The following PDE10A variants were observed in gnomAD, a reference collection of about 807,000 sequenced individuals.
PDE10A encodes the protein phosphodiesterase 10A, also known as cAMP and cAMP-inhibited cGMP 3',5'-cyclic phosphodiesterase 10A.
In PDE10A, 39 loss-of-function variants were observed where a neutral mutation model predicts 97.7. The ratio of observed to expected loss-of-function variants is 0.40; its 90% CI spans 0.31 to 0.52. The LOEUF is 0.52. Among genes scored for constraint, PDE10A ranks in the 20% least tolerant of loss-of-function variants. The probability of loss-of-function intolerance (pLI) is 0.56; values close to 1 mark genes in which losing one functional copy is unlikely to be tolerated. For synonymous variants in PDE10A, 371 were observed against 376.8 expected, an observed-to-expected ratio of 0.98 and a Z score of 0.18; for missense variants, 731 against 1,047.8, an observed-to-expected ratio of 0.70 and a Z score of 4.17.
chr6:165,872,446 C>A (rs1352619748), intron 1 of PDE10A, among the ~76,000 whole-genome samples: 1 of 152,142 alleles, frequency 6.6e-6, no homozygotes, highest in African/African-American at 2.4e-5. Flanking sequence ...TTGGCTGCCC[C>A]TTCAGCAGTA....
intron 5 of PDE10A, among the ~76,000 whole-genome samples, chr6:165,435,699 T>G (rs988672465): frequency 6.6e-6 from 1 of 152,152 alleles, no homozygotes; most frequent in African/African-American, 2.4e-5. Flanking sequence ...GGGATCAAGA[T>G]TCTATCAGAC....
chr6:165,431,469 C>A lies in PDE10A; in HGVS notation c.1495G>T (p.Ala499Ser). ...GAAGCCCAGGCAAGATTTGCTGTTG[C>A]AACCTAAAAAAAACAAGAAATACAT... ...EAFCLSHQEVATANLAWASVA... is the reference protein window; with the variant it reads ...EAFCLSHQEVSTANLAWASVA... The change falls in exon 8 of 22, where the codon GCA (alanine) becomes TCA (serine). Residue 499 changes from alanine to serine, a missense_variant. This residue lies in a region of PDE10A where 152 missense variants were observed against 199.3 expected (regional missense o/e 0.76). Coordinates refer to ENST00000539869, the MANE Select transcript of PDE10A (RefSeq NM_001385079.1). 2 of 1,588,364 alleles carry A rather than the reference C, an allele frequency of 1.3e-6. No individual in the cohort carries two copies. The highest frequency in any genetic ancestry group is 2.2e-5 in the South Asian group (2 of 89,388).
chr6:165,897,053 G>T (rs1175374509), intron 1 of PDE10A, among the ~76,000 whole-genome samples: 20 of 152,286 alleles, frequency 1.3e-4, no homozygotes, highest in Non-Finnish European at 2.6e-4. Context: ...GCCATCTTGA[G>T]GCACTCAACA....
chr6:165,811,223 A>G (rs1779274506), intron 1 of PDE10A, among the ~76,000 whole-genome samples: 1 of 152,082 alleles, frequency 6.6e-6, no homozygotes, highest in Admixed American at 6.5e-5. Context: ...ACTCCGTCTC[A>G]AAAAAAACAA....
intron 1 of PDE10A, among the ~76,000 whole-genome samples, chr6:165,761,124 G>A (rs575275716): frequency 1.3e-5 from 2 of 152,268 alleles, no homozygotes; most frequent in Non-Finnish European, 2.9e-5. Flanking sequence ...CCCGCTAGCA[G>A]GACTCTCAAC....
intron 1 of PDE10A, among the ~76,000 whole-genome samples, chr6:165,821,366 AGAGT>A (rs1342359053): frequency 2.0e-5 from 3 of 152,360 alleles, no homozygotes; most frequent in African/African-American, 4.8e-5. Flanking sequence ...TCGTGACAAC[AGAGT>A]GAGACAGTGA....
intron 1 of PDE10A, among the ~76,000 whole-genome samples, chr6:165,954,639 T>TC (rs1433467770): frequency 2.0e-5 from 3 of 152,118 alleles, no homozygotes; most frequent in Non-Finnish European, 2.9e-5. Flanking sequence ...CTGTGCCGAC[T>TC]CCAGCTTCAT....
chr6:165,337,355 C>T (rs981874928), intron 20 of PDE10A, among the ~76,000 whole-genome samples: 2 of 152,134 alleles, frequency 1.3e-5, no homozygotes, highest in African/African-American at 2.4e-5. Context: ...ACCAATTTCT[C>T]GAAAGTACTG....
chr6:165,456,634 G>C (rs946932345), intron 3 of PDE10A, among the ~76,000 whole-genome samples: 3 of 152,134 alleles, frequency 2.0e-5, no homozygotes, highest in African/African-American at 7.2e-5. Flanking sequence ...CTGGGCTTTA[G>C]TTTTCTCATT....
At chr6:165,927,381 G>A (rs943970420) in intron 1 of PDE10A, among the ~76,000 whole-genome samples, 6 of 151,748 alleles carry the variant, frequency 4.0e-5, no homozygotes, top group Non-Finnish European at 7.4e-5. Flanking sequence ...TTATATATCA[G>A]AATGATCATA....
intron 2 of PDE10A, among the ~76,000 whole-genome samples, chr6:165,486,473 C>T (rs549179747): frequency 6.6e-6 from 1 of 152,300 alleles, no homozygotes; most frequent in African/African-American, 2.4e-5. Context: ...GAATGTGAGT[C>T]TGTGCACTGT....
Position 165,688,675 on chromosome 6 carries a change from G to A in PDE10A, c.-614-145107C>T, listed in dbSNP as rs563892076. ...CACATCATCAGTGGAAGAAAGCAAGGGGAAGAACAGTGACTATGTTATGCT... is the reference window on the plus strand; with the variant it reads ...CACATCATCAGTGGAAGAAAGCAAGAGGAAGAACAGTGACTATGTTATGCT... On this transcript the variant is annotated intron_variant, in intron 1 of 19. Coordinates refer to the PDE10A transcript ENST00000366882. Among the ~76,000 whole-genome samples, 3 of 152,286 alleles carry A rather than the reference G, an allele frequency of 2.0e-5. No homozygotes were observed. The South Asian group carries it at 6.2e-4, about 32-fold the overall frequency.
chr6:165,796,671 C>G (rs1778841258), intron 1 of PDE10A, among the ~76,000 whole-genome samples: 1 of 152,274 alleles, frequency 6.6e-6, no homozygotes, highest in East Asian at 1.9e-4. Flanking sequence ...ACAATCAACT[C>G]TCCTCAATGA....
chr6:165,468,433 C>G (rs1454365917), intron 3 of PDE10A, among the ~76,000 whole-genome samples: 20 of 152,016 alleles, frequency 1.3e-4, no homozygotes, highest in Admixed American at 1.3e-3. Flanking sequence ...AGACATGATG[C>G]TATTACACAA....
intron 1 of PDE10A, among the ~76,000 whole-genome samples, chr6:165,668,419 G>A (rs543640064): frequency 6.6e-6 from 1 of 152,292 alleles, no homozygotes; most frequent in East Asian, 1.9e-4. Flanking sequence ...TGTTTAAAAT[G>A]TGTATTGTTC....
chr6:165,532,971 C>T (rs1027724087), intron 2 of PDE10A, among the ~76,000 whole-genome samples: 1 of 152,106 alleles, frequency 6.6e-6, no homozygotes, highest in Non-Finnish European at 1.5e-5. Flanking sequence ...ACTCTGGTGA[C>T]ACAAATTACT....
At chr6:165,977,244 T>G (rs1336503490) in intron 1 of PDE10A, among the ~76,000 whole-genome samples, 1 of 152,186 alleles carries the variant, frequency 6.6e-6, no homozygotes, top group Admixed American at 6.5e-5. Context: ...AAAAAGCAGT[T>G]TGGGAAAGAT....
chr6:165,653,045 T>C (rs1395893998), intron 1 of PDE10A, among the ~76,000 whole-genome samples: 3 of 152,204 alleles, frequency 2.0e-5, no homozygotes, highest in Non-Finnish European at 4.4e-5. Context: ...CTAGTGTATT[T>C]GGATTACATG....
chr6:165,329,152 G>A lies in PDE10A; in HGVS notation c.*3873C>T, dbSNP rs937925217. ...ATGTTCGAAATATGTAAAGAGAGAA[G>A]TGATTTTAAAAATCATGCTTAGGTA... On this transcript the variant is annotated 3_prime_UTR_variant, in exon 22 of 22. Coordinates refer to ENST00000539869, the MANE Select transcript of PDE10A (RefSeq NM_001385079.1). 1 of 152,310 alleles carries A rather than the reference G, an allele frequency of 6.6e-6. No homozygotes were observed. Among genetic ancestry groups the A allele is most frequent in the South Asian group, 2.1e-4 (1 of 4,826 alleles). 9.4% of individuals were successfully genotyped at this position (152,310 alleles called of 1,614,324 possible).
Sources: allele counts gnomAD v4.1 joint callset (sites outside exome capture counted in the v4.1 genomes callset), GRCh38; gene constraint gnomAD v4.1.1; regional missense constraint gnomAD v4.1.1; transcripts MANE v1.5; gene names NCBI Gene and HGNC (gene_info 2026-07-23, HGNC 2026-07-21).